ACADSB: variants seen among roughly 807,000 people sequenced by gnomAD.
ACADSB encodes short/branched chain specific acyl-CoA dehydrogenase, mitochondrial.
In ACADSB, 40 loss-of-function variants were observed where a neutral mutation model predicts 54.1. The ratio of observed to expected loss-of-function variants is 0.74; its 90% CI spans 0.57 to 0.96. The LOEUF is 0.96. Ranked by LOEUF, ACADSB falls within the 40% of genes least tolerant of loss-of-function variation. The pLI, the probability that ACADSB is intolerant of heterozygous loss-of-function variation, is 0.00. For missense variants in ACADSB, 530 were observed against 510.4 expected, an observed-to-expected ratio of 1.04 and a Z score of -0.37; for synonymous variants, 182 against 182.8, an observed-to-expected ratio of 1.00 and a Z score of 0.03.
Position 123,040,534 on chromosome 10 carries a change from G to A in ACADSB, c.372G>A (p.Val124=). Residue 124 remains valine (V), a synonymous_variant, in exon 4 of 11, where the codon GTG becomes GTA. Transcript: ENST00000358776. ...TGASFLSTVL[V]IEELAKVDAS... is the part of the protein sequence containing the mutation. ...CTTCATTTTTATCCACTGTGCTCGT[G>A]ATAGAGGAATTAGCCAAAGTTGATG... The A allele has an allele frequency of 1.2e-6, 2 of 1,614,090 alleles. No homozygotes were observed. Among genetic ancestry groups the A allele is most frequent in the Non-Finnish European group, 1.7e-6 (2 of 1,180,010 alleles).
intron 1 of ACADSB, among the ~76,000 whole-genome samples, chr10:123,028,505 G>A (rs1283065631): frequency 6.6e-6 from 1 of 151,488 alleles, no homozygotes; most frequent in African/African-American, 2.4e-5. Context: ...TCTACAAAAA[G>A]TTAAAAAATT....
chr10:123,010,092 T>G (rs1315548625), intron 1 of ACADSB, among the ~76,000 whole-genome samples: 1 of 152,258 alleles, frequency 6.6e-6, no homozygotes, highest in Non-Finnish European at 1.5e-5. Context: ...TGTTTAATAC[T>G]GTTTATAATT....
rs1589733611 is a variant in ACADSB, at chr10:123,022,100, A to T, written c.43-12256A>T. 2.0e-5 allele frequency among the ~76,000 whole-genome samples: 3 copies of T among 152,354 alleles called. No individual in the cohort carries two copies. The East Asian group carries it at 5.8e-4, about 29-fold the overall frequency. ...CATATAGCTTGGATATCCACTTTTAATTAGGCTTTTAACCATAATGCTCTT... is the reference window on the plus strand; with the variant it reads ...CATATAGCTTGGATATCCACTTTTATTTAGGCTTTTAACCATAATGCTCTT... On this transcript the variant is annotated intron_variant, in intron 1 of 10. Coordinates refer to ENST00000358776, the MANE Select transcript of ACADSB (RefSeq NM_001609.4).
At position 123,053,549 on chromosome 10, in the gene ACADSB, GT is replaced by G; in HGVS notation, c.1229-145del. On this transcript the variant is annotated intron_variant, in intron 10 of 10. Coordinates refer to ENST00000358776, the MANE Select transcript of ACADSB (RefSeq NM_001609.4). Reference sequence around the variant, plus strand: ...TTGTCATCTCTTAGTCAAAATTACTGTGAAATAGTACCATATTCAGGGGACA... The same window carrying G: ...TTGTCATCTCTTAGTCAAAATTACTGGAAATAGTACCATATTCAGGGGACA... 3 of 759,322 alleles carry G rather than the reference GT, an allele frequency of 4.0e-6. No individual in the cohort carries two copies. The Admixed American group carries it at 6.2e-5, about 16-fold the overall frequency. 47.0% of individuals were successfully genotyped at this position (759,322 alleles called of 1,614,324 possible).
At chr10:123,048,554 T>A (rs768847951) in intron 8 of ACADSB, among the ~76,000 whole-genome samples, 1 of 152,092 alleles carries the variant, frequency 6.6e-6, no homozygotes, top group Non-Finnish European at 1.5e-5. Context: ...AGGCTTTTGA[T>A]CTTCTTTATG....
At chr10:123,013,738 G>T (rs1850073289) in intron 1 of ACADSB, among the ~76,000 whole-genome samples, 1 of 152,236 alleles carries the variant, frequency 6.6e-6, no homozygotes, top group Non-Finnish European at 1.5e-5. Flanking sequence ...CTCCACAGCT[G>T]CTGGCCTGGG....
In ACADSB at chr10:123,052,693, T is replaced by G. The variant is rs1453989545; in HGVS notation, c.1129-368T>G. 1 of 286,512 alleles carries G rather than the reference T, an allele frequency of 3.5e-6. No homozygotes were observed. The highest frequency in any genetic ancestry group is 6.8e-6 in the Non-Finnish European group (1 of 148,010). 17.7% of individuals were successfully genotyped at this position (286,512 alleles called of 1,614,324 possible). A position where few individuals can be genotyped will look rare whatever the true frequency, so the allele number is the denominator to read the frequency against. On this transcript the variant is annotated intron_variant, in intron 9 of 10. Coordinates refer to ENST00000358776, the MANE Select transcript of ACADSB (RefSeq NM_001609.4). This position sits in a 1 kb window ranked among gnomAD's most constrained non-coding sequence, Gnocchi z 4.2. The stretch of plus-strand genomic sequence containing the variant: ...CCAGCCCACTGGCTGTCTCAGGGGC[T>G]GGAAGTTGAAGAGCTCATTCTCCCC...
intron 1 of ACADSB, among the ~76,000 whole-genome samples, chr10:123,016,520 A>G (rs1439240720): frequency 6.6e-6 from 1 of 152,250 alleles, no homozygotes; most frequent in Non-Finnish European, 1.5e-5. Context: ...TTGTCTACCT[A>G]TTAAGCTAGG....
Position 123,055,591 on chromosome 10 carries a change from C to G in ACADSB, c.*1826C>G, listed in dbSNP as rs568834686. ...TCATTTCAGCATTAACCCAAAAGTC[C>G]GCAGTCCAAAGTTTCATCTGAGACA... On this transcript the variant is annotated 3_prime_UTR_variant, in exon 11 of 11. Coordinates refer to ENST00000358776, the MANE Select transcript of ACADSB (RefSeq NM_001609.4). The G allele has an allele frequency of 6.6e-6, 1 of 152,118 alleles. No individual in the cohort carries two copies. Among genetic ancestry groups the G allele is most frequent in the Non-Finnish European group, 1.5e-5 (1 of 68,048 alleles). 9.4% of individuals were successfully genotyped at this position (152,118 alleles called of 1,614,324 possible). A position where few individuals can be genotyped will look rare whatever the true frequency, so the allele number is the denominator to read the frequency against.
rs1358725061 is a variant in ACADSB at position 123,057,358 on chromosome 10, T to G, written c.*3593T>G. 6.6e-6 allele frequency: 1 copy of G among 152,244 alleles called. No homozygotes were observed. Among genetic ancestry groups the G allele is most frequent in the Non-Finnish European group, 1.5e-5 (1 of 68,046 alleles). 9.4% of individuals were successfully genotyped at this position (152,244 alleles called of 1,614,324 possible). ...ATAGTTAATATATGCACCTACCTTC[T>G]TCCGTTAGTGCATCAGTAAATGTGT... On this transcript the variant is annotated 3_prime_UTR_variant, in exon 11 of 11. Coordinates refer to ENST00000358776, the MANE Select transcript of ACADSB (RefSeq NM_001609.4).
At chr10:123,022,908 A>G (rs1850200906) in intron 1 of ACADSB, among the ~76,000 whole-genome samples, 1 of 152,246 alleles carries the variant, frequency 6.6e-6, no homozygotes, top group Admixed American at 6.5e-5. Context: ...AATTTACACA[A>G]AAAATTTACC....
intron 8 of ACADSB, among the ~76,000 whole-genome samples, chr10:123,048,430 T>G (rs909405679): frequency 2.7e-5 from 4 of 145,662 alleles, no homozygotes; most frequent in Admixed American, 1.4e-4. Flanking sequence ...AAAGTAGAGG[T>G]TTTTTTTTTG....
At chr10:123,041,690 A>C (rs529413460) in intron 5 of ACADSB, among the ~76,000 whole-genome samples, 2 of 152,358 alleles carry the variant, frequency 1.3e-5, no homozygotes, top group East Asian at 3.9e-4. Context: ...CTTTGTGCCA[A>C]CTACCATATT....
At chr10:123,044,508 C>A in intron 7 of ACADSB, 23 bp downstream of exon 7, 2 of 1,565,642 alleles carry the variant, frequency 1.3e-6, no homozygotes, top group Non-Finnish European at 1.8e-6. Flanking sequence ...TAAACTCTTC[C>A]ATGATGTGAG....
At position 123,037,851 on chromosome 10, in the gene ACADSB, C is replaced by T; in HGVS notation, c.303+4C>T. Reference sequence around the variant, plus strand: ...ACAAGGATTATTTCAACAAGGGGTACATTTCATAATTCTTCCACTTTCAAG... The same window carrying T: ...ACAAGGATTATTTCAACAAGGGGTATATTTCATAATTCTTCCACTTTCAAG... On this transcript the variant is annotated splice_donor_region_variant and intron_variant, in intron 3 of 10. Transcript: ENST00000358776. The T allele has an allele frequency of 6.5e-7, 1 of 1,545,488 alleles. No individual in the cohort carries two copies. Among genetic ancestry groups the T allele is most frequent in the Non-Finnish European group, 8.9e-7 (1 of 1,117,796 alleles).
chr10:123,010,847 T>C (rs538594053), intron 1 of ACADSB, among the ~76,000 whole-genome samples: 4 of 152,310 alleles, frequency 2.6e-5, no homozygotes, highest in African/African-American at 9.6e-5. Flanking sequence ...TATGTGCAAC[T>C]AACCCCATGT....
chr10:123,040,084 G>A (rs1290572305), intron 3 of ACADSB, among the ~76,000 whole-genome samples: 1 of 151,626 alleles, frequency 6.6e-6, no homozygotes, highest in Admixed American at 6.6e-5. Context: ...AGTCGCTCAC[G>A]CCTGTAATCC....
At chr10:123,026,765 T>C (rs1309293967) in intron 1 of ACADSB, among the ~76,000 whole-genome samples, 1 of 151,872 alleles carries the variant, frequency 6.6e-6, no homozygotes, top group Non-Finnish European at 1.5e-5. Flanking sequence ...ATACATAGTA[T>C]GCTACATTTT....
intron 6 of ACADSB, 73 bp from the exon 7 acceptor site, chr10:123,044,320 T>A: frequency 7.7e-7 from 1 of 1,304,674 alleles, no homozygotes; most frequent in East Asian, 2.3e-5. Context: ...AGTCTATGTG[T>A]ACTTACAAAT....
Sources: gnomAD v4.1 joint callset for allele counts (sites outside exome capture counted in the v4.1 genomes callset) on GRCh38, gnomAD v4.1.1 for gene constraint, Gnocchi (gnomAD v3.1) non-coding constraint, MANE v1.5 for transcripts, NCBI Gene and HGNC (gene_info 2026-07-23, HGNC 2026-07-21) for gene names.